CRPPA: variants seen among roughly 807,000 people sequenced by gnomAD.
CRPPA encodes the protein CDP-L-ribitol pyrophosphorylase A.
A neutral mutation model predicts 52.0 loss-of-function variants in CRPPA; 43 were observed. The observed-to-expected ratio is 0.83, with a 90% CI of 0.65 to 1.07. The LOEUF is 1.07. CRPPA is among the 50% of genes least tolerant of loss of function. CRPPA has a pLI of 0.00. For missense variants in CRPPA, 629 were observed against 551.7 expected (o/e 1.14, Z -1.40); for synonymous variants, 250 against 203.5 (o/e 1.23, Z -1.94).
chr7:16,324,436 C>G (rs1785332593), intron 3 of CRPPA, among the ~76,000 whole-genome samples: 1 of 152,210 alleles, frequency 6.6e-6, no homozygotes, highest in Admixed American at 6.5e-5. Flanking sequence ...TTTGCTGTTT[C>G]TCTAAACATT....
At chr7:16,311,809 C>A (rs1785040430) in intron 3 of CRPPA, among the ~76,000 whole-genome samples, 1 of 151,976 alleles carries the variant, frequency 6.6e-6, no homozygotes, top group Admixed American at 6.6e-5. Context: ...AAAGTGTGTG[C>A]CTAGATTTAT....
intron 5 of CRPPA, among the ~76,000 whole-genome samples, chr7:16,288,944 C>T (rs1784504608): frequency 6.8e-6 from 1 of 147,414 alleles, no homozygotes; most frequent in Non-Finnish European, 1.5e-5. Context: ...GTAAACCACC[C>T]AAAAATAATA....
At chr7:16,174,541 A>G (rs572528991) in intron 9 of CRPPA, among the ~76,000 whole-genome samples, 2 of 152,276 alleles carry the variant, frequency 1.3e-5, no homozygotes, top group Admixed American at 1.3e-4. Flanking sequence ...AATAATTACA[A>G]ATTAATAGTC....
At chr7:16,228,801 G>T (rs1305602391) in intron 8 of CRPPA, among the ~76,000 whole-genome samples, 1 of 151,946 alleles carries the variant, frequency 6.6e-6, no homozygotes, top group African/African-American at 2.4e-5. Context: ...TCCTATGTAT[G>T]TCTGTTATGT....
At chr7:16,240,954 T>C (rs369379095) in intron 8 of CRPPA, among the ~76,000 whole-genome samples, 5 of 152,284 alleles carry the variant, frequency 3.3e-5, no homozygotes, top group East Asian at 3.9e-4. Flanking sequence ...CATTTTTTAT[T>C]AAGAAGGAAT....
At chr7:16,318,446 C>T (rs1317892589) in intron 3 of CRPPA, among the ~76,000 whole-genome samples, 1 of 152,160 alleles carries the variant, frequency 6.6e-6, no homozygotes. Flanking sequence ...TGTAGGCAAT[C>T]ATTGTTCATA....
intron 3 of CRPPA, among the ~76,000 whole-genome samples, chr7:16,347,092 CT>C (rs1253800473): frequency 6.6e-6 from 1 of 152,002 alleles, no homozygotes; most frequent in East Asian, 1.9e-4. Flanking sequence ...ATACTAGATG[CT>C]TTACATAGGT....
At chr7:16,193,797 C>T (rs1048529822) in intron 9 of CRPPA, among the ~76,000 whole-genome samples, 1 of 152,026 alleles carries the variant, frequency 6.6e-6, no homozygotes, top group Non-Finnish European at 1.5e-5. Flanking sequence ...CCTCAAGGCA[C>T]AACTCCTCCG....
intron 2 of CRPPA, among the ~76,000 whole-genome samples, chr7:16,391,083 T>C (rs1787430716): frequency 6.6e-6 from 1 of 152,170 alleles, no homozygotes. Context: ...AATTCTGGAT[T>C]TGCACTTCCA....
intron 9 of CRPPA, among the ~76,000 whole-genome samples, chr7:16,191,214 C>G (rs1248807311): frequency 6.6e-6 from 1 of 152,060 alleles, no homozygotes; most frequent in East Asian, 1.9e-4. Flanking sequence ...CAATCTTACT[C>G]TCATAGTGTA....
chr7:16,191,026 T>C (rs988593994), intron 9 of CRPPA, among the ~76,000 whole-genome samples: 1 of 152,134 alleles, frequency 6.6e-6, no homozygotes, highest in Non-Finnish European at 1.5e-5. Context: ...TACCCACTCA[T>C]TGATTGATGG....
intron 8 of CRPPA, among the ~76,000 whole-genome samples, chr7:16,232,748 G>A (rs977417193): frequency 6.6e-5 from 10 of 151,972 alleles, no homozygotes; most frequent in Non-Finnish European, 1.2e-4. Context: ...ACTTACATCT[G>A]GAACAAAGCT....
At chr7:16,339,243 GA>G (rs1161134018) in intron 3 of CRPPA, among the ~76,000 whole-genome samples, 1 of 150,588 alleles carries the variant, frequency 6.6e-6, no homozygotes, top group African/African-American at 2.4e-5. Context: ...GACATTATAA[GA>G]AAAAAAAATA....
At chr7:16,097,707 C>T (rs1169799464) in intron 9 of CRPPA, among the ~76,000 whole-genome samples, 1 of 152,130 alleles carries the variant, frequency 6.6e-6, no homozygotes, top group African/African-American at 2.4e-5. Flanking sequence ...TTTGATGGGA[C>T]TCCTAAGCCT....
intron 6 of CRPPA, among the ~76,000 whole-genome samples, chr7:16,265,127 G>A (rs978892079): frequency 6.6e-6 from 1 of 152,138 alleles, no homozygotes; most frequent in African/African-American, 2.4e-5. Context: ...AAATAAATTG[G>A]GTTACCAGTC....
chr7:16,400,301 G>A (rs926785497), intron 2 of CRPPA, among the ~76,000 whole-genome samples: 1 of 152,194 alleles, frequency 6.6e-6, no homozygotes, highest in African/African-American at 2.4e-5. Context: ...ATGAGACACG[G>A]AACATGATTG....
At chr7:16,174,424 A>G (rs1472507745) in intron 9 of CRPPA, among the ~76,000 whole-genome samples, 1 of 152,216 alleles carries the variant, frequency 6.6e-6, no homozygotes, top group Non-Finnish European at 1.5e-5. Flanking sequence ...AACACAAACG[A>G]GATTGGCTGT....
chr7:16,207,465 C>T (rs542205282), intron 9 of CRPPA, among the ~76,000 whole-genome samples: 1 of 152,290 alleles, frequency 6.6e-6, no homozygotes, highest in East Asian at 1.9e-4. Flanking sequence ...TTCCGTTAAA[C>T]ACTGCAATTT....
intron 9 of CRPPA, among the ~76,000 whole-genome samples, chr7:16,107,093 G>T (rs1375940275): frequency 6.6e-6 from 1 of 151,852 alleles, no homozygotes; most frequent in Non-Finnish European, 1.5e-5. Context: ...GAACACAAAA[G>T]AAGAAAGAAG....
Sources: allele counts gnomAD v4.1 joint callset (sites outside exome capture counted in the v4.1 genomes callset), GRCh38; gene constraint gnomAD v4.1.1; transcripts MANE v1.5; gene names NCBI Gene and HGNC (gene_info 2026-07-23, HGNC 2026-07-21).